Variants in SNN observed in about 807,000 individuals in gnomAD.
SNN encodes the protein AG8_1.
SNN carries 5 observed loss-of-function variants against 5.3 expected under a neutral mutation model. That is an observed-to-expected ratio of 0.94 (90% CI 0.49 to 1.97). The LOEUF (loss-of-function observed/expected upper bound fraction) is 1.97, where lower values mean the gene tolerates loss of function less well. SNN is among the 30% of genes most tolerant of loss of function. The pLI is 0.01. For synonymous variants in SNN, 67 were observed against 52.1 expected (o/e 1.29, Z -1.24); for missense variants, 127 against 121.6 (o/e 1.04, Z -0.21).
intron 1 of SNN, among the ~76,000 whole-genome samples, chr16:11,675,247 CTTTTTT>C (rs71136677): frequency 3.7e-5 from 5 of 136,816 alleles, no homozygotes; most frequent in African/African-American, 5.3e-5. Flanking sequence ...ATTTCTTTTT[CTTTTTT>C]TTTTCTTTTT....
Position 11,679,027 on chromosome 16 carries a change from A to G in SNN, c.*2701A>G, listed in dbSNP as rs370523801. On this transcript the variant is annotated 3_prime_UTR_variant, in exon 2 of 2. Coordinates refer to ENST00000329565, the MANE Select transcript of SNN (RefSeq NM_003498.6). This position sits in a 1 kb window ranked among gnomAD's most constrained non-coding sequence, Gnocchi z 4.6. ...GTCTCAAAGCTACCAAGTTTGTGCAATAAGTGGAAGGGATGTCATCCTTCT... is the reference window on the plus strand; with the variant it reads ...GTCTCAAAGCTACCAAGTTTGTGCAGTAAGTGGAAGGGATGTCATCCTTCT... 2.7e-4 allele frequency: 201 copies of G among 737,144 alleles called. No individual in the cohort carries two copies. The South Asian group carries it at 3.6e-3, about 13-fold the overall frequency. 45.7% of individuals were successfully genotyped at this position (737,144 alleles called of 1,614,324 possible). A position where few individuals can be genotyped will look rare whatever the true frequency, so the allele number is the denominator to read the frequency against.
In SNN at chr16:11,678,077, A is replaced by C. The variant is rs535321610; in HGVS notation, c.*1751A>C. The C allele has an allele frequency of 6.0e-6, 1 of 167,132 alleles. No homozygotes were observed. The highest frequency in any genetic ancestry group is 2.4e-5 in the African/African-American group (1 of 41,428). The allele number at this position is 167,132 out of a possible 1,614,324, so 10.4% of individuals were successfully genotyped here. A position where few individuals can be genotyped will look rare whatever the true frequency, so the allele number is the denominator to read the frequency against. ...CTCAGCTGGGCTCTTGGGAGACCTT[A>C]GGAAGCAGGAGAGGCAACACCTCTG... On this transcript the variant is annotated 3_prime_UTR_variant, in exon 2 of 2. Coordinates refer to ENST00000329565, the MANE Select transcript of SNN (RefSeq NM_003498.6).
chr16:11,678,442 C>G lies in SNN; in HGVS notation c.*2116C>G, dbSNP rs981042590. On this transcript the variant is annotated 3_prime_UTR_variant, in exon 2 of 2. Transcript: ENST00000329565. ...AGCTAGGATCTGCATTTTCAGGTTC[C>G]GAGCCTGACCCCTGGAACTGACCAG... The G allele has an allele frequency of 6.0e-6, 1 of 167,108 alleles. No individual in the cohort carries two copies. Among genetic ancestry groups the G allele is most frequent in the African/African-American group, 2.4e-5 (1 of 41,430 alleles). 10.4% of individuals were successfully genotyped at this position (167,108 alleles called of 1,614,324 possible). A position where few individuals can be genotyped will look rare whatever the true frequency, so the allele number is the denominator to read the frequency against.
At chr16:11,669,663 C>G (rs148086373) in intron 1 of SNN, among the ~76,000 whole-genome samples, 1,970 of 152,330 alleles carry the variant, frequency 0.013, 16 homozygotes, top group Non-Finnish European at 0.022. Context: ...CAACTTTCTC[C>G]GGCATCTACA....
At chr16:11,669,218 G>A (rs1256222434) in intron 1 of SNN, among the ~76,000 whole-genome samples, 1 of 152,198 alleles carries the variant, frequency 6.6e-6, no homozygotes, top group Non-Finnish European at 1.5e-5. Flanking sequence ...GGTGGAACGG[G>A]AGGGTGCGCG....
chr16:11,674,645 C>T (rs910804174), intron 1 of SNN, among the ~76,000 whole-genome samples: 1 of 152,244 alleles, frequency 6.6e-6, no homozygotes, highest in Admixed American at 6.5e-5. Context: ...CTTGGCCTGG[C>T]CTGGGAGGGG....
At chr16:11,674,396 G>A (rs1467744804) in intron 1 of SNN, among the ~76,000 whole-genome samples, 2 of 152,234 alleles carry the variant, frequency 1.3e-5, no homozygotes, top group African/African-American at 4.8e-5. Context: ...CTGCGGGGCA[G>A]CAGAGGCAAA....
chr16:11,676,315 G>A lies in SNN; in HGVS notation c.256G>A (p.Val86Ile). 1 of 1,612,320 alleles carries A rather than the reference G, an allele frequency of 6.2e-7. No homozygotes were observed. Among genetic ancestry groups the A allele is most frequent in the Non-Finnish European group, 8.5e-7 (1 of 1,178,484 alleles). The change falls in exon 2 of 2, where the codon GTC becomes ATC. Residue 86 changes from valine (V) to isoleucine (I), a missense_variant. Val to Ile is a conservative substitution (Grantham distance 29). Transcript: ENST00000329565. ...AKLMTPNGPEVHG is the reference protein window; with the variant it reads ...AKLMTPNGPEIHG ...GCTGATGACTCCCAACGGCCCGGAA[G>A]TCCACGGCTGAGCCAGGATGCAAGG...
rs1333473164 is a variant in SNN, at chr16:11,668,732, CTGGGGTTCTTT to C, written c.-86+193_-86+203del. ...CCGTTCCAGGGGCCGCGCCCGCGGGCTGGGGTTCTTTGTCAGCGGCGCTGCGGCGAGATCCG... is the reference window on the plus strand; with the variant it reads ...CCGTTCCAGGGGCCGCGCCCGCGGGCGTCAGCGGCGCTGCGGCGAGATCCG... On this transcript the variant is annotated intron_variant, in intron 1 of 1. Coordinates refer to ENST00000329565, the MANE Select transcript of SNN (RefSeq NM_003498.6). This position sits in a 1 kb window ranked among gnomAD's most constrained non-coding sequence, Gnocchi z 6.8. 6.7e-6 allele frequency among the ~76,000 whole-genome samples: 1 copy of C among 149,298 alleles called. No homozygotes were observed. The highest frequency in any genetic ancestry group is 2.0e-4 in the East Asian group (1 of 4,950).
chr16:11,675,237 ATTTCTTTTTCTTTTTTT>A (rs2050291290), intron 1 of SNN, among the ~76,000 whole-genome samples: 1 of 130,050 alleles, frequency 7.7e-6, no homozygotes, highest in African/African-American at 2.8e-5. Context: ...TGTCATTGTC[ATTTCTTTTTCTTTTTTT>A]TTTCTTTTTT....
intron 1 of SNN, among the ~76,000 whole-genome samples, chr16:11,675,679 C>T (rs1279863076): frequency 2.6e-5 from 4 of 152,248 alleles, no homozygotes; most frequent in Non-Finnish European, 4.4e-5. Context: ...GGCACACCTT[C>T]AGCTGAAGAA....
At position 11,678,242 on chromosome 16, in the gene SNN, G is replaced by C. The variant is rs1339541082; in HGVS notation, c.*1916G>C. On this transcript the variant is annotated 3_prime_UTR_variant, in exon 2 of 2. Coordinates refer to ENST00000329565, the MANE Select transcript of SNN (RefSeq NM_003498.6). The stretch of plus-strand genomic sequence containing the variant: ...CTAGGAGGGAGAACAAGTTCCAAAG[G>C]TGCCGACTGGAAGAAGGGGGTAAAA... 1 of 167,096 alleles carries C rather than the reference G, an allele frequency of 6.0e-6. No homozygotes were observed. Among genetic ancestry groups the C allele is most frequent in the African/African-American group, 2.4e-5 (1 of 41,402 alleles). 10.4% of individuals were successfully genotyped at this position (167,096 alleles called of 1,614,324 possible).
At chr16:11,670,221 G>GGGA (rs2050258425) in intron 1 of SNN, among the ~76,000 whole-genome samples, 1 of 150,862 alleles carries the variant, frequency 6.6e-6, no homozygotes, top group African/African-American at 2.5e-5. Context: ...TGGCTTTATG[G>GGGA]GGGGAGGCAG....
chr16:11,670,103 G>A (rs139114395), intron 1 of SNN, among the ~76,000 whole-genome samples: 1 of 152,332 alleles, frequency 6.6e-6, no homozygotes, highest in Non-Finnish European at 1.5e-5. Flanking sequence ...GTCCAGCAGT[G>A]CCCTCTTCTC....
chr16:11,677,849 G>C lies in SNN; in HGVS notation c.*1523G>C, dbSNP rs2050319257. 2 of 167,166 alleles carry C rather than the reference G, an allele frequency of 1.2e-5. No homozygotes were observed. The highest frequency in any genetic ancestry group is 6.5e-5 in the Admixed American group (1 of 15,288). 10.4% of individuals were successfully genotyped at this position (167,166 alleles called of 1,614,324 possible). On this transcript the variant is annotated 3_prime_UTR_variant, in exon 2 of 2. Transcript: ENST00000329565. The surrounding 1 kb of genome is among the most constrained non-coding windows in gnomAD (Gnocchi z 4.2). ...CTCTGGCCTCCTGCTCAGACTAAAG[G>C]CACCTCCTCTGGCCTCACCCAAGCC...
At position 11,675,675 on chromosome 16, in the gene SNN, C is replaced by T. The variant is rs112277776; in HGVS notation, c.-85-300C>T. Among the ~76,000 whole-genome samples, 400 of 152,326 alleles carry T rather than the reference C, an allele frequency of 2.6e-3. 3 individuals are homozygous for T. The highest frequency in any genetic ancestry group is 9.1e-3 in the African/African-American group (378 of 41,574). ...TGGGGCTGGGCTTCCCGAAGGCACA[C>T]CTTCAGCTGAAGAACCAGAACCATG... On this transcript the variant is annotated intron_variant, in intron 1 of 1. Transcript: ENST00000329565.
Position 11,676,294 on chromosome 16 carries a change from A to AT in SNN, c.236dup (p.Met79IlefsTer40), listed in dbSNP as rs1567280587. 1.9e-6 allele frequency: 3 copies of AT among 1,614,120 alleles called. No individual in the cohort carries two copies. In the Admixed American group the frequency reaches 5.0e-5, roughly 27 times the overall value. The stretch of plus-strand genomic sequence containing the variant: ...GTGCGTGGAGAGAAAGGCCAAGCTG[A>AT]TGACTCCCAACGGCCCGGAAGTCCA... On this transcript the variant is annotated frameshift_variant, in exon 2 of 2. Transcript: ENST00000329565. LOFTEE classifies it high-confidence loss of function.
At chr16:11,675,913 C>T (rs140450737) in intron 1 of SNN, 62 bp from the exon 2 acceptor site, 10,152 of 849,142 alleles carry the variant, frequency 0.012, 231 homozygotes, top group South Asian at 0.077. Flanking sequence ...GGTCTGAGAA[C>T]GATTAAAAAT....
At chr16:11,674,007 T>C (rs547452054) in intron 1 of SNN, among the ~76,000 whole-genome samples, 13 of 152,182 alleles carry the variant, frequency 8.5e-5, no homozygotes, top group Non-Finnish European at 1.5e-5. Flanking sequence ...GGACAGACGC[T>C]GGGGGCGTTG....
Sources: allele counts gnomAD v4.1 joint callset (sites outside exome capture counted in the v4.1 genomes callset), GRCh38; gene constraint gnomAD v4.1.1; non-coding constraint Gnocchi (gnomAD v3.1); transcripts MANE v1.5; gene names NCBI Gene and HGNC (gene_info 2026-07-23, HGNC 2026-07-21).